DCC: variants seen among roughly 807,000 people sequenced by gnomAD.
DCC encodes netrin receptor DCC.
Under a neutral mutation model 172.5 loss-of-function variants are expected in DCC, and 58 were observed. The ratio of observed to expected loss-of-function variants is 0.34; its 90% confidence interval spans 0.27 to 0.42. The LOEUF is 0.42. Ranked by LOEUF, DCC falls within the 10% of genes least tolerant of loss-of-function variation. The pLI is 1.00. For synonymous variants in DCC, 709 were observed against 644.5 expected (o/e 1.10, Z -1.52); for missense variants, 1,740 against 1,791.0 (o/e 0.97, Z 0.51).
intron 1 of DCC, among the ~76,000 whole-genome samples, chr18:52,480,128 G>C (rs1041345781): frequency 6.6e-6 from 1 of 152,056 alleles, no homozygotes; most frequent in Non-Finnish European, 1.5e-5. Context: ...TTTGGAACTG[G>C]GTTAGCTTAA....
At chr18:52,793,214 G>A (rs1003115475) in intron 2 of DCC, among the ~76,000 whole-genome samples, 2 of 152,206 alleles carry the variant, frequency 1.3e-5, no homozygotes, top group African/African-American at 4.8e-5. Flanking sequence ...GGACTTTCCG[G>A]TTGATTGGCA....
intron 1 of DCC, among the ~76,000 whole-genome samples, chr18:52,716,010 C>T (rs898527495): frequency 6.6e-6 from 1 of 152,128 alleles, no homozygotes; most frequent in Non-Finnish European, 1.5e-5. Context: ...TCTGTTTCCT[C>T]ATCTGTAAAA....
chr18:53,166,081 GA>G (rs1239889642), intron 8 of DCC, among the ~76,000 whole-genome samples: 3 of 152,122 alleles, frequency 2.0e-5, no homozygotes, highest in Non-Finnish European at 2.9e-5. Flanking sequence ...AGTGGAGATG[GA>G]GCAGCAGAGA....
At chr18:52,941,803 G>A (rs996091983) in intron 5 of DCC, among the ~76,000 whole-genome samples, 12 of 151,390 alleles carry the variant, frequency 7.9e-5, no homozygotes, top group African/African-American at 2.2e-4. Flanking sequence ...TTTCTTTTGA[G>A]ATGGAGTCTT....
chr18:52,943,069 T>C (rs913530222), intron 5 of DCC, among the ~76,000 whole-genome samples: 3 of 152,222 alleles, frequency 2.0e-5, no homozygotes, highest in Admixed American at 6.5e-5. Context: ...ATACCTCTTT[T>C]GTTTTAATAC....
chr18:52,993,285 TAG>T (rs2145626026), intron 5 of DCC, among the ~76,000 whole-genome samples: 1 of 152,254 alleles, frequency 6.6e-6, no homozygotes, highest in South Asian at 2.1e-4. Context: ...TTATTTTGTG[TAG>T]AGATTTTTAC....
chr18:52,377,850 G>T (rs924128516), intron 1 of DCC, among the ~76,000 whole-genome samples: 4 of 151,786 alleles, frequency 2.6e-5, no homozygotes, highest in Admixed American at 2.0e-4. Context: ...GGGATTACAT[G>T]CATGCACCGC....
intron 2 of DCC, among the ~76,000 whole-genome samples, chr18:52,831,474 G>A (rs1169331883): frequency 6.6e-6 from 1 of 152,116 alleles, no homozygotes; most frequent in Non-Finnish European, 1.5e-5. Flanking sequence ...AGTTTAGAGA[G>A]GATGAAGGCT....
At chr18:52,596,947 G>A (rs1026596423) in intron 1 of DCC, among the ~76,000 whole-genome samples, 6 of 152,090 alleles carry the variant, frequency 3.9e-5, no homozygotes, top group African/African-American at 1.2e-4. Context: ...TATTTTGTGA[G>A]CATCTGACCA....
At chr18:52,671,532 C>CTTTT (rs761856360) in intron 1 of DCC, among the ~76,000 whole-genome samples, 10 of 116,986 alleles carry the variant, frequency 8.5e-5, no homozygotes, top group African/African-American at 2.5e-4. Flanking sequence ...ATATGCCAAC[C>CTTTT]TTTTTTTTTT....
At position 52,515,499 on chromosome 18, in the gene DCC, C is replaced by T. The variant is rs1224459143; in HGVS notation, c.91+174621C>T. On this transcript the variant is annotated intron_variant, in intron 1 of 28. Transcript: ENST00000442544. The stretch of plus-strand genomic sequence containing the variant: ...GCAGGCGCCTGTAGTCCCAGCTACT[C>T]GGGAGGCTGAGGCAGGAGAATGGCG... 6.1e-5 allele frequency among the ~76,000 whole-genome samples: 9 copies of T among 148,362 alleles called. No homozygotes were observed. The South Asian group carries it at 6.5e-4, about 11-fold the overall frequency.
At chr18:53,054,428 AAGCCATCAAT>A (rs2042376179) in intron 5 of DCC, among the ~76,000 whole-genome samples, 1 of 152,158 alleles carries the variant, frequency 6.6e-6, no homozygotes, top group African/African-American at 2.4e-5. Context: ...TAACTATCAA[AAGCCATCAAT>A]AGCACATGAA....
chr18:52,830,703 T>C (rs1324329133), intron 2 of DCC, among the ~76,000 whole-genome samples: 3 of 152,186 alleles, frequency 2.0e-5, no homozygotes, highest in Non-Finnish European at 4.4e-5. Context: ...AGTTATTTAA[T>C]TGTAACTGTT....
intron 7 of DCC, among the ~76,000 whole-genome samples, chr18:53,090,714 A>AC (rs2042992995): frequency 2.7e-5 from 3 of 109,880 alleles, no homozygotes; most frequent in Admixed American, 1.8e-4. Context: ...AAAAAAAAAA[A>AC]AAAAAAAAAA....
At chr18:53,449,218 T>C (rs532424939) in intron 22 of DCC, among the ~76,000 whole-genome samples, 3 of 152,198 alleles carry the variant, frequency 2.0e-5, no homozygotes, top group Non-Finnish European at 4.4e-5. Context: ...TTGTAAATAA[T>C]ATAACCTAAT....
intron 7 of DCC, among the ~76,000 whole-genome samples, chr18:53,097,994 C>T (rs2043111880): frequency 6.6e-6 from 1 of 152,124 alleles, no homozygotes; most frequent in South Asian, 2.1e-4. Context: ...CTACACAACT[C>T]AGTCAGCTGA....
chr18:53,526,575 A>ATGTT, intron 27 of DCC, 42 bp from the exon 28 acceptor site: 1 of 1,606,062 alleles, frequency 6.2e-7, no homozygotes, highest in Non-Finnish European at 8.5e-7. Context: ...GTTCTGCAGA[A>ATGTT]TGTTTTCTAC....
intron 5 of DCC, among the ~76,000 whole-genome samples, chr18:52,980,990 T>C (rs548301790): frequency 6.6e-6 from 1 of 151,398 alleles, no homozygotes; most frequent in East Asian, 2.0e-4. Context: ...CAGGAAGGTA[T>C]ATTATAAGCC....
chr18:53,037,447 G>A (rs1261108568), intron 5 of DCC, among the ~76,000 whole-genome samples: 1 of 151,920 alleles, frequency 6.6e-6, no homozygotes, highest in East Asian at 1.9e-4. Flanking sequence ...AACAGAACCT[G>A]AGATGATTTT....
Sources: allele counts gnomAD v4.1 joint callset (sites outside exome capture counted in the v4.1 genomes callset), GRCh38; gene constraint gnomAD v4.1.1; transcripts MANE v1.5; gene names NCBI Gene and HGNC (gene_info 2026-07-23, HGNC 2026-07-21).